NELL1: variants seen among roughly 807,000 people sequenced by gnomAD.
NELL1 encodes the protein protein kinase C-binding protein NELL1.
A neutral mutation model predicts 107.4 loss-of-function variants in NELL1; 76 were observed. That is an observed-to-expected ratio of 0.71 (90% confidence interval 0.59 to 0.86). The LOEUF is 0.86. Among genes scored for constraint, NELL1 ranks in the 40% least tolerant of loss-of-function variants. The pLI, the probability that NELL1 is intolerant of heterozygous loss-of-function variation, is 0.00. For synonymous variants in NELL1, 353 were observed against 341.2 expected (o/e 1.03, Z -0.38); for missense variants, 1,024 against 1,005.5 (o/e 1.02, Z -0.25).
chr11:20,744,633 G>C (rs1159881886), intron 2 of NELL1, among the ~76,000 whole-genome samples: 1 of 152,240 alleles, frequency 6.6e-6, no homozygotes, highest in Non-Finnish European at 1.5e-5. Flanking sequence ...CACATACTCA[G>C]GGCAGACTCT....
At chr11:21,440,612 A>T (rs1241176489) in intron 15 of NELL1, among the ~76,000 whole-genome samples, 1 of 152,192 alleles carries the variant, frequency 6.6e-6, no homozygotes, top group Non-Finnish European at 1.5e-5. Context: ...GTGAAGATGT[A>T]CTACCTACTG....
At chr11:21,235,092 G>C (rs1858171053) in intron 14 of NELL1, among the ~76,000 whole-genome samples, 1 of 152,100 alleles carries the variant, frequency 6.6e-6, no homozygotes, top group Non-Finnish European at 1.5e-5. Context: ...ACATAGTTTT[G>C]AAACATGGTT....
rs940125207 is a variant in NELL1, at chr11:21,417,435, A to AT, written c.1645+46497dup. Among the ~76,000 whole-genome samples, 283 of 148,504 alleles carry AT rather than the reference A, an allele frequency of 1.9e-3. 1 individual carries two copies. Among genetic ancestry groups the AT allele is most frequent in the East Asian group, 8.1e-3 (41 of 5,058 alleles). ...GATTTATGTATTAAAAATGTTTCTG[A>AT]TTTTTTTTTTCAATTCAGATTCATC... On this transcript the variant is annotated intron_variant, in intron 15 of 19. Coordinates refer to ENST00000357134, the MANE Select transcript of NELL1 (RefSeq NM_006157.5).
intron 2 of NELL1, among the ~76,000 whole-genome samples, chr11:20,719,243 C>T (rs1855321839): frequency 6.6e-6 from 1 of 152,146 alleles, no homozygotes; most frequent in Non-Finnish European, 1.5e-5. Context: ...AAACAAATGT[C>T]CCATCTAATC....
chr11:21,029,185 G>A (rs1458007742), intron 12 of NELL1, among the ~76,000 whole-genome samples: 2 of 152,066 alleles, frequency 1.3e-5, no homozygotes, highest in African/African-American at 4.8e-5. Flanking sequence ...GAAGAGAAAG[G>A]GGTTTTGTCC....
intron 15 of NELL1, among the ~76,000 whole-genome samples, chr11:21,458,363 A>G (rs1853803882): frequency 6.6e-6 from 1 of 152,214 alleles, no homozygotes; most frequent in South Asian, 2.1e-4. Context: ...GTCTACATAT[A>G]GAATTCCACC....
chr11:21,357,505 T>C (rs1850962728), intron 14 of NELL1, among the ~76,000 whole-genome samples: 2 of 152,290 alleles, frequency 1.3e-5, no homozygotes, highest in South Asian at 4.1e-4. Flanking sequence ...GGATTATTTG[T>C]TTTTTCTTGC....
intron 14 of NELL1, among the ~76,000 whole-genome samples, chr11:21,251,673 C>T (rs776677441): frequency 4.6e-5 from 7 of 151,906 alleles, no homozygotes; most frequent in Non-Finnish European, 7.4e-5. Context: ...AGGCAGTGCT[C>T]ATTCTGGTGG....
intron 3 of NELL1, among the ~76,000 whole-genome samples, chr11:20,826,889 G>A (rs1300277331): frequency 6.6e-6 from 1 of 151,174 alleles, no homozygotes; most frequent in Non-Finnish European, 1.5e-5. Context: ...TTGAAGGGAA[G>A]GGAACTAACA....
chr11:20,679,801 C>T (rs768092781), intron 2 of NELL1, among the ~76,000 whole-genome samples: 39 of 152,140 alleles, frequency 2.6e-4, no homozygotes, highest in Non-Finnish European at 4.4e-4. Flanking sequence ...TCCTCAGGGC[C>T]ACCTACTGTG....
intron 10 of NELL1, among the ~76,000 whole-genome samples, chr11:20,940,793 T>C (rs796451439): frequency 6.6e-6 from 1 of 152,312 alleles, no homozygotes; most frequent in African/African-American, 2.4e-5. Context: ...CAGGCATCTT[T>C]GGAGACCAGC....
chr11:21,229,439 G>A lies in NELL1; in HGVS notation c.1534G>A (p.Gly512Arg), dbSNP rs768262280. 41 of 1,613,710 alleles carry A rather than the reference G, an allele frequency of 2.5e-5. No homozygotes were observed. The highest frequency in any genetic ancestry group is 3.0e-5 in the Non-Finnish European group (35 of 1,179,856). Reference protein sequence around the residue: ...CTCKPGYVGNGTICRAFCEEG... With the variant: ...CTCKPGYVGNRTICRAFCEEG... The stretch of plus-strand genomic sequence containing the variant: ...CTGCAAACCGGGCTACGTGGGGAAC[G>A]GGACCATCTGCAGAGGTAGGCTTGC... Residue 512 changes from glycine to arginine, a missense_variant, in exon 14 of 20, where the codon GGG (glycine) becomes AGG (arginine). Transcript: ENST00000357134.
At chr11:21,449,537 T>C (rs1853527440) in intron 15 of NELL1, among the ~76,000 whole-genome samples, 1 of 152,156 alleles carries the variant, frequency 6.6e-6, no homozygotes, top group Non-Finnish European at 1.5e-5. Flanking sequence ...AACAGTTTCT[T>C]TGAAGAGCAG....
At position 20,853,436 on chromosome 11, in the gene NELL1, C is replaced by T. The variant is rs560174939; in HGVS notation, c.506+5683C>T. ...GAAATCTATGTCTAATTTTCTCATT[C>T]ATTCATTCATTCACTCATTCATATG... On this transcript the variant is annotated intron_variant, in intron 4 of 19. Coordinates refer to ENST00000357134, the MANE Select transcript of NELL1 (RefSeq NM_006157.5). 2.6e-5 allele frequency among the ~76,000 whole-genome samples: 4 copies of T among 152,254 alleles called. No individual in the cohort carries two copies. In the South Asian group the frequency reaches 8.3e-4, roughly 32 times the overall value.
At chr11:20,736,403 G>T (rs972308215) in intron 2 of NELL1, among the ~76,000 whole-genome samples, 2 of 152,168 alleles carry the variant, frequency 1.3e-5, no homozygotes, top group African/African-American at 2.4e-5. Flanking sequence ...GGCAAGCATA[G>T]ATGCCTACGC....
At chr11:20,914,647 G>A (rs897989018) in intron 5 of NELL1, among the ~76,000 whole-genome samples, 1 of 152,054 alleles carries the variant, frequency 6.6e-6, no homozygotes, top group Non-Finnish European at 1.5e-5. Context: ...GGTTAACTCT[G>A]GAATGCCCTT....
chr11:21,472,881 G>A (rs1854219618), intron 15 of NELL1, among the ~76,000 whole-genome samples: 2 of 150,416 alleles, frequency 1.3e-5, no homozygotes, highest in Non-Finnish European at 3.0e-5. Context: ...TTCTATTTAA[G>A]CCATCTATGT....
At chr11:21,548,286 A>T (rs1173796337) in intron 16 of NELL1, among the ~76,000 whole-genome samples, 1 of 151,956 alleles carries the variant, frequency 6.6e-6, no homozygotes, top group Admixed American at 6.6e-5. Flanking sequence ...ATTAAGTATC[A>T]TTAATATTTG....
At chr11:21,050,769 G>A (rs191587234) in intron 12 of NELL1, among the ~76,000 whole-genome samples, 1 of 152,108 alleles carries the variant, frequency 6.6e-6, no homozygotes, top group South Asian at 2.1e-4. Context: ...AAGGAGGTTA[G>A]ACTCTAGGAC....
Sources: allele counts gnomAD v4.1 joint callset (sites outside exome capture counted in the v4.1 genomes callset), GRCh38; gene constraint gnomAD v4.1.1; transcripts MANE v1.5; gene names NCBI Gene and HGNC (gene_info 2026-07-23, HGNC 2026-07-21).